Variants in ASPH observed in about 807,000 individuals in gnomAD.
The protein encoded by ASPH is aspartyl/asparaginyl beta-hydroxylase.
Under a neutral mutation model 118.4 loss-of-function variants are expected in ASPH, and 100 were observed. The ratio of observed to expected loss-of-function variants is 0.84; its 90% confidence interval spans 0.72 to 1.00. ASPH has a LOEUF of 1.00. Ranked by LOEUF, ASPH falls within the 50% of genes least tolerant of loss-of-function variation. The probability of loss-of-function intolerance (pLI) is 0.00; values close to 1 mark genes in which losing one functional copy is unlikely to be tolerated. For missense variants in ASPH, 920 were observed against 919.5 expected (o/e 1.00, Z -0.01); for synonymous variants, 315 against 325.6 (o/e 0.97, Z 0.35).
In ASPH at chr8:61,714,571, T is replaced by A; in HGVS notation, c.-200A>T. The A allele has an allele frequency of 1.3e-6, 1 of 762,704 alleles. No individual in the cohort carries two copies. 47.2% of individuals were successfully genotyped at this position (762,704 alleles called of 1,614,324 possible). A position where few individuals can be genotyped will look rare whatever the true frequency, so the allele number is the denominator to read the frequency against. The stretch of plus-strand genomic sequence containing the variant: ...GCCTGCCGGCTGCGCGCGCCCGGCC[T>A]CGCGTGTACGAACCTGTGACTCCCT... On this transcript the variant is annotated 5_prime_UTR_variant, in exon 1 of 25. Coordinates refer to ENST00000379454, the MANE Select transcript of ASPH (RefSeq NM_004318.4).
chr8:61,697,616 G>A (rs2151838766), intron 1 of ASPH, among the ~76,000 whole-genome samples: 1 of 152,238 alleles, frequency 6.6e-6, no homozygotes. Context: ...TTTGATTAAT[G>A]CGCTAAAGGG....
intron 3 of ASPH, chr8:61,664,738 G>C (rs1037179127): frequency 2.0e-6 from 2 of 986,006 alleles, no homozygotes; most frequent in African/African-American, 3.5e-5. Flanking sequence ...GGCTGCGGGA[G>C]GGCTGGGAGG....
chr8:61,517,760 G>A (rs934735784), intron 23 of ASPH, 99 bp from the exon 24 acceptor site: 18 of 1,437,876 alleles, frequency 1.3e-5, no homozygotes, highest in Middle Eastern at 1.9e-4. Flanking sequence ...GTTTGGATTA[G>A]AGCCTTTGTA....
At chr8:61,661,292 G>A (rs1816781811) in intron 3 of ASPH, 1 of 152,168 alleles carries the variant, frequency 6.6e-6, no homozygotes, top group Non-Finnish European at 1.5e-5. Flanking sequence ...TTTAACCCCT[G>A]ACTGAGACGT....
rs1448633203 is a variant in ASPH, at chr8:61,714,509, C to T, written c.-138G>A. 140 of 1,238,136 alleles carry T rather than the reference C, an allele frequency of 1.1e-4. No individual in the cohort carries two copies. Among genetic ancestry groups the T allele is most frequent in the Non-Finnish European group, 1.3e-4 (129 of 962,944 alleles). The allele number at this position is 1,238,136 out of a possible 1,614,324, so 76.7% of individuals were successfully genotyped here. ...GCTGCTCCTGCAGCAGACCCTGTGC[C>T]TCAGCACCGCCTGCAGCACCTGGGA... On this transcript the variant is annotated 5_prime_UTR_variant, in exon 1 of 25. Transcript: ENST00000379454.
chr8:61,561,609 T>C (rs142380055), intron 18 of ASPH, among the ~76,000 whole-genome samples: 107 of 152,316 alleles, frequency 7.0e-4, no homozygotes, highest in African/African-American at 2.5e-3. Flanking sequence ...AAACTGCTGT[T>C]CTTGATGGCA....
intron 3 of ASPH, among the ~76,000 whole-genome samples, chr8:61,679,887 A>G (rs1245693531): frequency 2.6e-5 from 4 of 151,334 alleles, no homozygotes; most frequent in African/African-American, 9.7e-5. Flanking sequence ...AAGACAAGAA[A>G]AGAAATTTCA....
chr8:61,655,598 A>G (rs1429130374), intron 3 of ASPH, among the ~76,000 whole-genome samples: 1 of 152,156 alleles, frequency 6.6e-6, no homozygotes, highest in Non-Finnish European at 1.5e-5. Flanking sequence ...TTTCATTTGA[A>G]AAGTCATAAT....
chr8:61,521,895 G>A (rs1399260811), intron 22 of ASPH, among the ~76,000 whole-genome samples: 1 of 152,152 alleles, frequency 6.6e-6, no homozygotes, highest in African/African-American at 2.4e-5. Context: ...GGCAACAACA[G>A]GTTCCATCTT....
intron 10 of ASPH, among the ~76,000 whole-genome samples, chr8:61,639,530 ATCT>A (rs2150914411): frequency 6.6e-6 from 1 of 151,890 alleles, no homozygotes; most frequent in South Asian, 2.1e-4. Context: ...CTCCCACTCA[ATCT>A]TCTTTTTCAC....
chr8:61,519,763 C>CA (rs1354265114), intron 22 of ASPH, among the ~76,000 whole-genome samples: 6 of 152,122 alleles, frequency 3.9e-5, no homozygotes, highest in Admixed American at 3.9e-4. Context: ...GGAAGGGGGC[C>CA]ACAAGCCGGG....
intron 22 of ASPH, among the ~76,000 whole-genome samples, chr8:61,524,641 T>C (rs1465847993): frequency 1.3e-5 from 2 of 152,248 alleles, no homozygotes; most frequent in Non-Finnish European, 2.9e-5. Context: ...TGTGAAAATG[T>C]AGAAGACAAA....
intron 3 of ASPH, chr8:61,665,291 G>T: frequency 3.7e-6 from 6 of 1,612,336 alleles, no homozygotes; most frequent in Non-Finnish European, 5.1e-6. Flanking sequence ...TGTTAAGTGT[G>T]CATATCTGGT....
Position 61,646,819 on chromosome 8 carries a change from C to T in ASPH, c.550G>A (p.Asp184Asn). Residue 184 changes from aspartate (D) to asparagine (N), a missense_variant, in exon 6 of 25, where the codon GAT becomes AAT. Physicochemically the swap from Asp to Asn is conservative, Grantham distance 23. Coordinates refer to ENST00000379454, the MANE Select transcript of ASPH (RefSeq NM_004318.4). ...GPTGEPQQEDDEFLMATDVDD... is the reference protein window; with the variant it reads ...GPTGEPQQEDNEFLMATDVDD... ...ACATCAGTCGCCATAAGAAACTCAT[C>T]ATCCTCTTGTTGTGGTTCTCCTGTG... 6.2e-7 allele frequency: 1 copy of T among 1,614,026 alleles called. No individual in the cohort carries two copies. The highest frequency in any genetic ancestry group is 8.5e-7 in the Non-Finnish European group (1 of 1,179,910).
intron 21 of ASPH, among the ~76,000 whole-genome samples, chr8:61,532,897 G>A (rs2129632621): frequency 6.6e-6 from 1 of 152,302 alleles, no homozygotes; most frequent in South Asian, 2.1e-4. Flanking sequence ...AATTAAATGT[G>A]TGAAAAGTGC....
Position 61,637,985 on chromosome 8 carries a change from T to C in ASPH, c.851A>G (p.Glu284Gly). The C allele has an allele frequency of 6.2e-7, 1 of 1,609,718 alleles. No homozygotes were observed. Among genetic ancestry groups the C allele is most frequent in the Non-Finnish European group, 8.5e-7 (1 of 1,178,430 alleles). ...CTGTGAATCTTCTACAGGATTATCC[T>C]CAGGGGGAGCAGTTACTTCTAAAAT... The part of the protein sequence containing the change: ...IEITEVTAPP[E>G]DNPVEDSQVI... Residue 284 changes from glutamate to glycine, a missense_variant, in exon 12 of 25, where the codon GAG (glutamate) becomes GGG (glycine). By Grantham distance (98) the Glu-to-Gly change is moderately conservative. Coordinates refer to ENST00000379454, the MANE Select transcript of ASPH (RefSeq NM_004318.4).
chr8:61,713,589 T>C (rs542156798), intron 1 of ASPH, among the ~76,000 whole-genome samples: 1 of 152,350 alleles, frequency 6.6e-6, no homozygotes, highest in African/African-American at 2.4e-5. Context: ...ATCTGTTCTC[T>C]CTGCTGGATA....
At chr8:61,677,721 A>G (rs1289155021) in intron 3 of ASPH, among the ~76,000 whole-genome samples, 1 of 152,156 alleles carries the variant, frequency 6.6e-6, no homozygotes, top group Non-Finnish European at 1.5e-5. Context: ...TATAATCCCA[A>G]CTAAGTCCCT....
intron 5 of ASPH, among the ~76,000 whole-genome samples, chr8:61,650,246 A>C (rs1472007036): frequency 6.6e-6 from 1 of 152,182 alleles, no homozygotes; most frequent in Admixed American, 6.5e-5. Flanking sequence ...GCTGCAAAGA[A>C]GCTAGAAATA....
Sources: allele counts gnomAD v4.1 joint callset (sites outside exome capture counted in the v4.1 genomes callset), GRCh38; gene constraint gnomAD v4.1.1; transcripts MANE v1.5; gene names NCBI Gene and HGNC (gene_info 2026-07-23, HGNC 2026-07-21).